Variants in ADCY8 observed in about 807,000 individuals in gnomAD.
ADCY8 encodes the protein adenylate cyclase 8, also known as adenylate cyclase type 8.
In ADCY8, 51 loss-of-function variants were observed where a neutral mutation model predicts 119.7. The ratio of observed to expected loss-of-function variants is 0.43; its 90% CI spans 0.34 to 0.54. The LOEUF is 0.54. Ranked by LOEUF, ADCY8 falls within the 20% of genes least tolerant of loss-of-function variation. ADCY8 has a pLI of 0.03. For synonymous variants in ADCY8, 665 were observed against 651.0 expected (o/e 1.02, Z -0.33); for missense variants, 1,383 against 1,598.8 (o/e 0.87, Z 2.30).
intron 1 of ADCY8, among the ~76,000 whole-genome samples, chr8:131,021,769 C>T (rs776338866): frequency 3.5e-4 from 53 of 152,250 alleles, no homozygotes; most frequent in Non-Finnish European, 7.3e-4. Context: ...TTCTGCTATG[C>T]TTGTAAGTTT....
chr8:130,917,214 C>T (rs1327075524), intron 5 of ADCY8, among the ~76,000 whole-genome samples: 1 of 152,200 alleles, frequency 6.6e-6, no homozygotes, highest in Non-Finnish European at 1.5e-5. Flanking sequence ...CCACCACAGG[C>T]TACATATACA....
At chr8:130,990,284 T>G (rs913292669) in intron 2 of ADCY8, 109 bp downstream of exon 2, 36 of 1,391,720 alleles carry the variant, frequency 2.6e-5, no homozygotes, top group Non-Finnish European at 3.5e-5. Flanking sequence ...ACATAAACTT[T>G]AAGAGAACAC....
chr8:130,850,636 A>AG (rs970100928), intron 9 of ADCY8, among the ~76,000 whole-genome samples: 1 of 152,188 alleles, frequency 6.6e-6, no homozygotes, highest in African/African-American at 2.4e-5. Context: ...CAGGTGTTAA[A>AG]GGGTACCTTG....
chr8:131,039,945 A>C lies in ADCY8; in HGVS notation c.389T>G (p.Leu130Arg). The C allele has an allele frequency of 1.3e-6, 2 of 1,598,418 alleles. No individual in the cohort carries two copies. The highest frequency in any genetic ancestry group is 1.3e-5 in the African/African-American group (1 of 74,712). ...GSGGGGDLGF[L>R]HLDCAPSNSD... ...GTTGCTAGGGGCACAGTCAAGGTGC[A>C]GGAAGCCCAGGTCGCCCCCGCCTCC... Residue 130 changes from leucine to arginine, a missense_variant, in exon 1 of 18, where the codon CTG becomes CGG. Leu to Arg is a moderately radical substitution (Grantham distance 102). Around this residue, in one of 2 missense-constraint regions of ADCY8, gnomAD observed 455 missense variants for 435.3 expected, o/e 1.05. Transcript: ENST00000286355.
At chr8:131,018,377 C>T (rs1357238472) in intron 1 of ADCY8, among the ~76,000 whole-genome samples, 1 of 152,160 alleles carries the variant, frequency 6.6e-6, no homozygotes, top group Non-Finnish European at 1.5e-5. Context: ...AATCATGCTT[C>T]TTTCTTGTGC....
chr8:131,011,923 C>G (rs1055661407), intron 1 of ADCY8, among the ~76,000 whole-genome samples: 13 of 152,094 alleles, frequency 8.5e-5, no homozygotes, highest in Non-Finnish European at 2.9e-5. Flanking sequence ...AGTGGACACA[C>G]TAAATCAAAG....
chr8:130,909,710 A>G lies in ADCY8; in HGVS notation c.1638T>C (p.Pro546=), dbSNP rs12547243. The G allele has an allele frequency of 0.66, 1,062,246 of 1,613,602 alleles. 355,216 individuals are homozygous for G. The highest frequency in any genetic ancestry group is 0.73 in the East Asian group (32,562 of 44,854). ...AAAAGGGCTTTGCTTTATCTTACCC[A>G]GGGATTCCTCCAGATTCGAGTTTGT... The part of the protein sequence containing the change: ...IANKLESGGI[P]GRIHISKATL... The change falls in exon 6 of 18, where the codon CCT becomes CCC. Residue 546 remains proline, a splice_region_variant and synonymous_variant. Transcript: ENST00000286355.
Position 130,904,729 on chromosome 8 carries a change from T to C in ADCY8, c.1641-687A>G, listed in dbSNP as rs556229798. 3.3e-5 allele frequency among the ~76,000 whole-genome samples: 5 copies of C among 152,324 alleles called. No homozygotes were observed. The South Asian group carries it at 6.2e-4, about 19-fold the overall frequency. ...AGTGAAGTGACTCATGGCTGCACAA[T>C]TGTCAGCCACTGTGGCTCATGACTC... is the stretch of plus-strand genomic sequence containing the variant. On this transcript the variant is annotated intron_variant, in intron 6 of 17. Transcript: ENST00000286355.
chr8:130,915,233 C>T (rs1426813057), intron 5 of ADCY8, among the ~76,000 whole-genome samples: 1 of 152,164 alleles, frequency 6.6e-6, no homozygotes, highest in East Asian at 1.9e-4. Context: ...TTTAACTGAA[C>T]TATTAAGGAA....
intron 5 of ADCY8, among the ~76,000 whole-genome samples, chr8:130,924,600 T>C (rs1187233314): frequency 6.6e-6 from 1 of 152,196 alleles, no homozygotes; most frequent in Non-Finnish European, 1.5e-5. Context: ...ATCTTCAGCC[T>C]GAGACACCGT....
intron 15 of ADCY8, among the ~76,000 whole-genome samples, chr8:130,795,216 G>A (rs1041416078): frequency 1.3e-5 from 2 of 152,216 alleles, no homozygotes; most frequent in African/African-American, 2.4e-5. Flanking sequence ...GGCACTTTGA[G>A]CTTAGTATTC....
At chr8:130,807,105 G>A (rs1054642175) in intron 14 of ADCY8, among the ~76,000 whole-genome samples, 1 of 152,250 alleles carries the variant, frequency 6.6e-6, no homozygotes, top group African/African-American at 2.4e-5. Context: ...TATGGACTTA[G>A]TAGAGGATTT....
intron 10 of ADCY8, among the ~76,000 whole-genome samples, chr8:130,848,912 T>C (rs990540537): frequency 5.3e-5 from 8 of 152,218 alleles, no homozygotes; most frequent in African/African-American, 1.9e-4. Context: ...CTGAGTTCTA[T>C]GTGTCACGTG....
intron 12 of ADCY8, among the ~76,000 whole-genome samples, chr8:130,834,384 T>C (rs755081583): frequency 6.6e-6 from 1 of 152,078 alleles, no homozygotes; most frequent in Non-Finnish European, 1.5e-5. Flanking sequence ...ACCAAACAAA[T>C]ATTTTAAAAA....
At chr8:130,799,195 A>G (rs57000686) in intron 15 of ADCY8, among the ~76,000 whole-genome samples, 50,214 of 152,024 alleles carry the variant, frequency 0.33, 8,641 homozygotes, top group Middle Eastern at 0.38. Flanking sequence ...CAAGAGGAGT[A>G]CTTTCTGGAG....
intron 7 of ADCY8, among the ~76,000 whole-genome samples, chr8:130,901,624 C>T (rs1819606935): frequency 3.3e-5 from 5 of 152,170 alleles, no homozygotes; most frequent in Admixed American, 3.3e-4. Context: ...ACATATGGCT[C>T]ACTGACTTCT....
At chr8:131,002,681 G>T (rs150658448) in intron 1 of ADCY8, among the ~76,000 whole-genome samples, 1 of 151,730 alleles carries the variant, frequency 6.6e-6, no homozygotes, top group African/African-American at 2.4e-5. Flanking sequence ...AAAAAATGAG[G>T]CCTCCTGAAC....
intron 2 of ADCY8, among the ~76,000 whole-genome samples, chr8:130,958,228 A>T (rs1418008768): frequency 1.3e-5 from 2 of 152,246 alleles, no homozygotes; most frequent in African/African-American, 4.8e-5. Context: ...TTCATAAATG[A>T]TGCTTTATAA....
intron 6 of ADCY8, among the ~76,000 whole-genome samples, chr8:130,906,480 C>G (rs1586558590): frequency 6.6e-6 from 1 of 152,302 alleles, no homozygotes; most frequent in East Asian, 1.9e-4. Flanking sequence ...TATGTTTTCA[C>G]TAGTGAAAGA....
Sources: gnomAD v4.1 joint callset for allele counts (sites outside exome capture counted in the v4.1 genomes callset) on GRCh38, gnomAD v4.1.1 for gene constraint, gnomAD v4.1.1 regional missense constraint, MANE v1.5 for transcripts, NCBI Gene and HGNC (gene_info 2026-07-23, HGNC 2026-07-21) for gene names.